Variants in TPR observed in about 807,000 individuals in gnomAD.
TPR encodes nucleoprotein TPR.
Under a neutral mutation model 316.1 loss-of-function variants are expected in TPR, and 51 were observed. The ratio of observed to expected loss-of-function variants is 0.16; its 90% CI spans 0.13 to 0.20. The LOEUF (loss-of-function observed/expected upper bound fraction) is 0.20. TPR is among the 10% of genes least tolerant of loss of function. The pLI, the probability that TPR is intolerant of heterozygous loss-of-function variation, is 1.00. For missense variants in TPR, 2,272 were observed against 2,754.8 expected (o/e 0.82, Z 3.92); for synonymous variants, 981 against 914.7 (o/e 1.07, Z -1.31).
Position 186,312,841 on chromosome 1 carries a change from C to G in TPR, c.*1130G>C, listed in dbSNP as rs1657377652. 1 of 1,611,984 alleles carries G rather than the reference C, an allele frequency of 6.2e-7. No homozygotes were observed. Reference sequence around the variant, plus strand: ...CCAAATGTGGTTACCTCAGCTATATCACTGCCCAACATCAGAAAACCTGAC... The same window carrying G: ...CCAAATGTGGTTACCTCAGCTATATGACTGCCCAACATCAGAAAACCTGAC... On this transcript the variant is annotated 3_prime_UTR_variant, in exon 51 of 51. Coordinates refer to ENST00000367478, the MANE Select transcript of TPR (RefSeq NM_003292.3).
intron 43 of TPR, 180 bp from the exon 44 acceptor site, chr1:186,322,766 T>C (rs1657807425): frequency 1.7e-6 from 1 of 603,834 alleles, no homozygotes. Context: ...AAATTTTTAA[T>C]TATAGTCTAT....
chr1:186,331,315 C>T (rs1465198810), intron 39 of TPR, among the ~76,000 whole-genome samples, 183 bp downstream of exon 39: 1 of 151,632 alleles, frequency 6.6e-6, no homozygotes, highest in Non-Finnish European at 1.5e-5. Context: ...GTTTAGAAGG[C>T]AGTACACTAT....
chr1:186,360,400 A>G (rs935276288), intron 10 of TPR, 36 bp from the exon 11 acceptor site: 19 of 1,601,246 alleles, frequency 1.2e-5, no homozygotes, highest in Non-Finnish European at 1.5e-5. Context: ...ATAATTTGTA[A>G]AATTCCAAAC....
intron 35 of TPR, 141 bp from the exon 36 acceptor site, chr1:186,334,674 T>C: frequency 1.1e-6 from 1 of 882,608 alleles, no homozygotes; most frequent in Non-Finnish European, 1.7e-6. Context: ...ATTTAAGCAT[T>C]AAAAACTACA....
At chr1:186,332,897 T>C (rs1658212354) in intron 37 of TPR, among the ~76,000 whole-genome samples, 1 of 152,112 alleles carries the variant, frequency 6.6e-6, no homozygotes, top group Non-Finnish European at 1.5e-5. Context: ...GTAGTAAACA[T>C]GAAATAAAAT....
At chr1:186,326,453 T>G (rs1054892328) in intron 40 of TPR, among the ~76,000 whole-genome samples, 1 of 152,142 alleles carries the variant, frequency 6.6e-6, no homozygotes, top group African/African-American at 2.4e-5. Flanking sequence ...TCTAACTGTT[T>G]GCATGAGATT....
chr1:186,362,680 T>C lies in TPR; in HGVS notation c.696+157A>G, dbSNP rs569172863. Among the ~76,000 whole-genome samples, 116 of 152,116 alleles carry C rather than the reference T, an allele frequency of 7.6e-4. 1 individual carries two copies. Among genetic ancestry groups the C allele is most frequent in the Non-Finnish European group, 1.4e-3 (97 of 67,862 alleles). On this transcript the variant is annotated intron_variant, in intron 6 of 50. Transcript: ENST00000367478. The stretch of plus-strand genomic sequence containing the variant: ...TCTTAAATTCTTTATGTAAACGCAA[T>C]TGGTTGATTTTTTACGCCAAATGTA...
chr1:186,344,766 A>C (rs1472942094), intron 24 of TPR, among the ~76,000 whole-genome samples, 188 bp from the exon 25 acceptor site: 1 of 152,242 alleles, frequency 6.6e-6, no homozygotes, highest in Non-Finnish European at 1.5e-5. Context: ...TCAGAAATGA[A>C]GCTTAGAAGA....
At position 186,357,589 on chromosome 1, in the gene TPR, C is replaced by T. The variant is rs1350283311; in HGVS notation, c.1532G>A (p.Arg511Lys). ...CTCATCACGAATTACGTGGTTACCCCTTGCTTCTTCAAGTTCCATCAAAAG... is the reference window on the plus strand; with the variant it reads ...CTCATCACGAATTACGTGGTTACCCTTTGCTTCTTCAAGTTCCATCAAAAG... ...RVLLMELEEARGNHVIRDEEV... is the reference protein window; with the variant it reads ...RVLLMELEEAKGNHVIRDEEV... Residue 511 changes from arginine (R) to lysine (K), a missense_variant, in exon 14 of 51, where the codon AGG becomes AAG. Coordinates refer to ENST00000367478, the MANE Select transcript of TPR (RefSeq NM_003292.3). 6.2e-7 allele frequency: 1 copy of T among 1,613,826 alleles called. No individual in the cohort carries two copies. Among genetic ancestry groups the T allele is most frequent in the African/African-American group, 1.3e-5 (1 of 74,896 alleles).
intron 13 of TPR, among the ~76,000 whole-genome samples, chr1:186,358,070 A>AAT (rs1388262947): frequency 6.6e-6 from 1 of 152,222 alleles, no homozygotes; most frequent in African/African-American, 2.4e-5. Context: ...ATTAGGGTAA[A>AAT]ATATATGAAT....
chr1:186,366,046 G>A (rs1032320829), intron 4 of TPR, among the ~76,000 whole-genome samples: 13 of 152,224 alleles, frequency 8.5e-5, no homozygotes, highest in Non-Finnish European at 1.8e-4. Flanking sequence ...TTTCTTTTAT[G>A]ACATGGATCC....
chr1:186,345,188 C>T (rs1414013580), intron 24 of TPR, among the ~76,000 whole-genome samples: 13 of 151,742 alleles, frequency 8.6e-5, no homozygotes, highest in Admixed American at 8.5e-4. Context: ...GATATCTGCG[C>T]AAACTTGGTA....
At chr1:186,315,201 T>C (rs1294066232) in intron 49 of TPR, among the ~76,000 whole-genome samples, 1 of 141,130 alleles carries the variant, frequency 7.1e-6, no homozygotes, top group African/African-American at 2.7e-5. Flanking sequence ...ACCAAGGCCC[T>C]GTCTCAAAAA....
chr1:186,361,936 A>G (rs1189658913), intron 7 of TPR, 67 bp from the exon 8 acceptor site: 30 of 1,497,106 alleles, frequency 2.0e-5, no homozygotes, highest in Non-Finnish European at 2.7e-5. Context: ...TCAAATGACA[A>G]GATGAAAAAT....
intron 29 of TPR, among the ~76,000 whole-genome samples, chr1:186,340,507 C>T (rs1658481155): frequency 6.6e-6 from 1 of 152,026 alleles, no homozygotes; most frequent in Admixed American, 6.6e-5. Context: ...TCACAACTCA[C>T]TGCAGCTTCG....
chr1:186,332,047 A>G, intron 38 of TPR, 148 bp downstream of exon 38: 1 of 727,530 alleles, frequency 1.4e-6, no homozygotes, highest in Non-Finnish European at 2.1e-6. Context: ...CTGGGTTGTC[A>G]GTGGAATCTT....
intron 15 of TPR, 95 bp from the exon 16 acceptor site, chr1:186,355,863 A>G: frequency 2.9e-6 from 4 of 1,389,422 alleles, no homozygotes; most frequent in Non-Finnish European, 3.9e-6. Flanking sequence ...TATCAAATAA[A>G]CAAGCTAAAC....
rs767804918 is a variant in TPR at position 186,341,010 on chromosome 1, A to C, written c.4020+18T>G. The C allele has an allele frequency of 6.3e-7, 1 of 1,598,178 alleles. No homozygotes were observed. Among genetic ancestry groups the C allele is most frequent in the Non-Finnish European group, 8.5e-7 (1 of 1,175,218 alleles). On this transcript the variant is annotated intron_variant, in intron 29 of 50. Transcript: ENST00000367478. ...AACACGTGTTTCCATGTTTTGGAAG[A>C]GTTTTAACTGCATTTACCTGGTTAC...
In TPR at chr1:186,357,477, T is replaced by C; in HGVS notation, c.1644A>G (p.Gln548=). Residue 548 remains glutamine (Q), a synonymous_variant, in exon 14 of 51, where the codon CAA becomes CAG. Transcript: ENST00000367478. The part of the protein sequence containing the change: ...VSYRNIEELQ[Q]QNQRLLVALR... ...GGGCCACTAAGAGACGTTGATTTTG[T>C]TGTTGAAGCTCTTCAATATTTCTGT... The C allele has an allele frequency of 6.2e-7, 1 of 1,614,150 alleles. No individual in the cohort carries two copies. Among genetic ancestry groups the C allele is most frequent in the Non-Finnish European group, 8.5e-7 (1 of 1,180,028 alleles).
Sources: allele counts gnomAD v4.1 joint callset (sites outside exome capture counted in the v4.1 genomes callset), GRCh38; gene constraint gnomAD v4.1.1; transcripts MANE v1.5; gene names NCBI Gene and HGNC (gene_info 2026-07-23, HGNC 2026-07-21).